The following RFX3 variants were observed in gnomAD, a reference collection of about 807,000 sequenced individuals.
The protein encoded by RFX3 is transcription factor RFX3.
A neutral mutation model predicts 98.6 loss-of-function variants in RFX3; 14 were observed. The observed-to-expected ratio is 0.14, with a 90% CI of 0.09 to 0.22. The LOEUF (loss-of-function observed/expected upper bound fraction) is 0.22. RFX3 is among the 10% of genes least tolerant of loss of function. The pLI, the probability that RFX3 is intolerant of heterozygous loss-of-function variation, is 1.00. For synonymous variants in RFX3, 383 were observed against 328.4 expected (o/e 1.17, Z -1.80); for missense variants, 639 against 926.9 (o/e 0.69, Z 4.03).
intron 5 of RFX3, 109 bp from the exon 6 acceptor site, chr9:3,293,367 T>G (rs1827619296): frequency 1.3e-6 from 1 of 776,266 alleles, no homozygotes; most frequent in Non-Finnish European, 2.0e-6. Context: ...CTTCATCAAG[T>G]CTTATGATAG....
At chr9:3,371,535 A>T (rs1288856881) in intron 2 of RFX3, among the ~76,000 whole-genome samples, 2 of 152,170 alleles carry the variant, frequency 1.3e-5, no homozygotes, top group African/African-American at 4.8e-5. Flanking sequence ...GATAATTAAT[A>T]AATTATGAAG....
intron 1 of RFX3, among the ~76,000 whole-genome samples, chr9:3,475,615 A>G (rs867367428): frequency 6.0e-4 from 91 of 152,314 alleles, no homozygotes; most frequent in African/African-American, 2.0e-3. Context: ...GCATAATATT[A>G]CAATATTGTT....
chr9:3,411,205 T>G (rs1842439681), intron 1 of RFX3, among the ~76,000 whole-genome samples: 1 of 152,200 alleles, frequency 6.6e-6, no homozygotes, highest in Admixed American at 6.5e-5. Context: ...ATATTCCCTT[T>G]CCTTATAAGG....
chr9:3,525,388 C>T (rs1010061355), intron 1 of RFX3, among the ~76,000 whole-genome samples: 1 of 152,182 alleles, frequency 6.6e-6, no homozygotes, highest in African/African-American at 2.4e-5. Flanking sequence ...CTCCTCAGAC[C>T]AGACCTAAGG....
intron 3 of RFX3, among the ~76,000 whole-genome samples, chr9:3,342,256 C>A (rs1463243544): frequency 6.6e-6 from 1 of 152,152 alleles, no homozygotes; most frequent in African/African-American, 2.4e-5. Flanking sequence ...TTCTATAGGA[C>A]TTTTCAGAGC....
At chr9:3,231,720 T>C (rs985312483) in intron 15 of RFX3, among the ~76,000 whole-genome samples, 3 of 151,360 alleles carry the variant, frequency 2.0e-5, no homozygotes, top group Non-Finnish European at 4.4e-5. Flanking sequence ...AGAAGAAAAA[T>C]AGTACCATAG....
chr9:3,378,854 C>A (rs1161400386), intron 2 of RFX3, among the ~76,000 whole-genome samples: 4 of 152,046 alleles, frequency 2.6e-5, no homozygotes. Flanking sequence ...CCATGCCCGG[C>A]CTTCTTTCTC....
At chr9:3,393,231 G>C (rs371800859) in intron 2 of RFX3, among the ~76,000 whole-genome samples, 7 of 152,218 alleles carry the variant, frequency 4.6e-5, no homozygotes, top group African/African-American at 1.7e-4. Context: ...GGTCAATGTA[G>C]TTGCCTATGA....
At chr9:3,396,715 T>G (rs1415400719) in intron 1 of RFX3, among the ~76,000 whole-genome samples, 2 of 152,190 alleles carry the variant, frequency 1.3e-5, no homozygotes, top group African/African-American at 4.8e-5. Context: ...GTTTCCTGAC[T>G]TTTTAATGAT....
At chr9:3,277,583 G>C (rs998165811) in intron 7 of RFX3, 122 bp from the exon 8 acceptor site, 24 of 801,734 alleles carry the variant, frequency 3.0e-5, no homozygotes, top group Non-Finnish European at 4.1e-5. Context: ...GATAGTTGTA[G>C]GATTTTTTTC....
intron 1 of RFX3, among the ~76,000 whole-genome samples, chr9:3,504,974 T>A (rs186891567): frequency 0.04 from 858 of 21,192 alleles, 6 homozygotes; most frequent in Admixed American, 0.061. Flanking sequence ...TAATATATAT[T>A]ATATAATATA....
chr9:3,281,837 G>C (rs1825951329), intron 7 of RFX3, among the ~76,000 whole-genome samples: 1 of 151,576 alleles, frequency 6.6e-6, no homozygotes, highest in Non-Finnish European at 1.5e-5. Context: ...CACACACATG[G>C]GTACTAAAAC....
At chr9:3,388,252 C>T (rs1839929577) in intron 2 of RFX3, among the ~76,000 whole-genome samples, 1 of 151,978 alleles carries the variant, frequency 6.6e-6, no homozygotes, top group South Asian at 2.1e-4. Context: ...AAATCTATTT[C>T]CTAAAGATTA....
intron 13 of RFX3, among the ~76,000 whole-genome samples, chr9:3,261,078 A>G (rs964893951): frequency 3.3e-5 from 5 of 151,932 alleles, no homozygotes; most frequent in African/African-American, 1.2e-4. Context: ...TCTAGAAAAT[A>G]AAATAATTAC....
At chr9:3,442,599 C>A (rs533475496) in intron 1 of RFX3, among the ~76,000 whole-genome samples, 6 of 152,106 alleles carry the variant, frequency 3.9e-5, no homozygotes, top group Non-Finnish European at 8.8e-5. Context: ...TAGTAATATA[C>A]CCCCTGGTTG....
intron 1 of RFX3, among the ~76,000 whole-genome samples, chr9:3,455,986 C>G (rs1422947792): frequency 6.6e-6 from 1 of 152,208 alleles, no homozygotes; most frequent in East Asian, 1.9e-4. Context: ...GGCTGGAAGT[C>G]AAGGTGTCGG....
intron 1 of RFX3, among the ~76,000 whole-genome samples, chr9:3,512,803 T>C (rs1266080611): frequency 6.6e-6 from 1 of 152,090 alleles, no homozygotes; most frequent in Admixed American, 6.5e-5. Flanking sequence ...CAATAAATTA[T>C]TTCACCATTC....
chr9:3,307,587 G>C (rs982750677), intron 4 of RFX3, among the ~76,000 whole-genome samples: 2 of 152,150 alleles, frequency 1.3e-5, no homozygotes, highest in African/African-American at 4.8e-5. Context: ...AGGCTTGGTA[G>C]TGCTGTATTT....
intron 15 of RFX3, chr9:3,247,560 G>A (rs370370943): frequency 1.7e-6 from 2 of 1,155,474 alleles, no homozygotes; most frequent in Admixed American, 4.0e-5. Flanking sequence ...CTCGCACATA[G>A]TAAGTGTCCA....
Sources: allele counts gnomAD v4.1 joint callset (sites outside exome capture counted in the v4.1 genomes callset), GRCh38; gene constraint gnomAD v4.1.1; transcripts MANE v1.5; gene names NCBI Gene and HGNC (gene_info 2026-07-23, HGNC 2026-07-21).